KLF12: variants seen among roughly 807,000 people sequenced by gnomAD.
The protein encoded by KLF12 is Krueppel-like factor 12.
KLF12 carries 9 observed loss-of-function variants against 37.8 expected under a neutral mutation model. That is an observed-to-expected ratio of 0.24 (90% CI 0.14 to 0.42). KLF12 has a LOEUF of 0.42. KLF12 is among the 10% of genes least tolerant of loss of function. The probability of loss-of-function intolerance (pLI) is 1.00; values close to 1 mark genes in which losing one functional copy is unlikely to be tolerated. For synonymous variants in KLF12, 208 were observed against 202.1 expected (o/e 1.03, Z -0.25); for missense variants, 411 against 516.0 (o/e 0.80, Z 1.97).
At chr13:74,053,939 AT>A (rs1873088158) in intron 1 of KLF12, among the ~76,000 whole-genome samples, 1 of 152,188 alleles carries the variant, frequency 6.6e-6, no homozygotes, top group East Asian at 1.9e-4. Flanking sequence ...TGTGGGATTA[AT>A]GGGTACAGAA....
At chr13:73,884,215 G>T (rs1385812360) in intron 3 of KLF12, among the ~76,000 whole-genome samples, 1 of 152,164 alleles carries the variant, frequency 6.6e-6, no homozygotes, top group African/African-American at 2.4e-5. Context: ...TGTGTTGTTT[G>T]TCTAAAATGC....
chr13:73,689,271 C>T lies in KLF12; in HGVS notation c.*6219G>A, dbSNP rs1452423242. The T allele has an allele frequency of 6.6e-6, 1 of 152,062 alleles. No individual in the cohort carries two copies. Among genetic ancestry groups the T allele is most frequent in the East Asian group, 1.9e-4 (1 of 5,186 alleles). 9.4% of individuals were successfully genotyped at this position (152,062 alleles called of 1,614,324 possible). ...TCCGTCTCCCTTTTCTTCTTTCTAA[C>T]ATTGGGAGGAGAAAACAGTGGATGT... On this transcript the variant is annotated 3_prime_UTR_variant, in exon 8 of 8. Transcript: ENST00000377669.
intron 7 of KLF12, among the ~76,000 whole-genome samples, chr13:73,703,751 C>T (rs181920548): frequency 2.2e-4 from 34 of 152,288 alleles, no homozygotes; most frequent in Middle Eastern, 6.8e-3. Context: ...CACCCAGTGT[C>T]GTCACCCAGT....
intron 1 of KLF12, among the ~76,000 whole-genome samples, chr13:74,075,181 G>A (rs886749169): frequency 6.6e-6 from 1 of 152,216 alleles, no homozygotes; most frequent in East Asian, 1.9e-4. Context: ...TAAGCACTGA[G>A]GATGTGAAGA....
At chr13:73,864,561 G>A (rs1178917028) in intron 3 of KLF12, among the ~76,000 whole-genome samples, 2 of 152,040 alleles carry the variant, frequency 1.3e-5, no homozygotes, top group African/African-American at 4.8e-5. Context: ...AAGACTGAAG[G>A]AAAGCGTTTA....
At chr13:74,178,015 C>T in the KLF12 span, among the ~76,000 whole-genome samples, 2,542 of 152,310 alleles carry the variant, frequency 0.017, 90 homozygotes, top group African/African-American at 0.057. Flanking sequence ...GTTGCATTTT[C>T]TCACATACAA....
At chr13:74,268,747 G>A in the KLF12 span, among the ~76,000 whole-genome samples, 1 of 152,172 alleles carries the variant, frequency 6.6e-6, no homozygotes, top group Non-Finnish European at 1.5e-5. Context: ...CCTAGAAATT[G>A]TGCTAACTCC....
At chr13:73,921,719 T>G (rs965886707) in intron 3 of KLF12, among the ~76,000 whole-genome samples, 1 of 152,214 alleles carries the variant, frequency 6.6e-6, no homozygotes, top group Non-Finnish European at 1.5e-5. Context: ...AATTCAAGTA[T>G]GTTAAGAAGT....
At chr13:74,144,513 A>G in the KLF12 span, among the ~76,000 whole-genome samples, 1 of 152,170 alleles carries the variant, frequency 6.6e-6, no homozygotes, top group Non-Finnish European at 1.5e-5. Flanking sequence ...TATTTCTTTC[A>G]CATCAATCAC....
rs556003685 is a variant in KLF12, at chr13:73,690,532, G to C, written c.*4958C>G. The C allele has an allele frequency of 6.6e-6, 1 of 152,264 alleles. No homozygotes were observed. Among genetic ancestry groups the C allele is most frequent in the Admixed American group, 6.5e-5 (1 of 15,292 alleles). 9.4% of individuals were successfully genotyped at this position (152,264 alleles called of 1,614,324 possible). ...TTCAGGAAAAGACATTACTAGTTTG[G>C]AATCAGTTGTCTGCAACTTAAAATG... is the stretch of plus-strand genomic sequence containing the variant. On this transcript the variant is annotated 3_prime_UTR_variant, in exon 8 of 8. Coordinates refer to ENST00000377669, the MANE Select transcript of KLF12 (RefSeq NM_007249.5).
chr13:74,210,819 C>T, the KLF12 span, among the ~76,000 whole-genome samples: 16 of 152,192 alleles, frequency 1.1e-4, no homozygotes, highest in South Asian at 4.1e-4. Context: ...ATCCAGTGTT[C>T]TCTTGGGATC....
At chr13:74,180,435 T>C in the KLF12 span, among the ~76,000 whole-genome samples, 1 of 152,222 alleles carries the variant, frequency 6.6e-6, no homozygotes, top group East Asian at 1.9e-4. Flanking sequence ...CTATTTAGCA[T>C]TTGGCTTTCC....
At chr13:74,207,679 A>AAAAAC in the KLF12 span, among the ~76,000 whole-genome samples, 4 of 152,172 alleles carry the variant, frequency 2.6e-5, no homozygotes, top group South Asian at 4.1e-4. Context: ...TCTCAAAAAC[A>AAAAAC]AAAACAAAAC....
chr13:74,151,243 TG>T, the KLF12 span, among the ~76,000 whole-genome samples: 3 of 152,152 alleles, frequency 2.0e-5, no homozygotes, highest in African/African-American at 7.2e-5. Context: ...AAATGTCATT[TG>T]GGGAATATTT....
the KLF12 span, among the ~76,000 whole-genome samples, chr13:74,172,088 A>G: frequency 2.0e-5 from 3 of 151,730 alleles, no homozygotes; most frequent in Non-Finnish European, 4.4e-5. Flanking sequence ...TTCAGCTACA[A>G]GGAGAACTGG....
intron 2 of KLF12, chr13:73,960,372 GC>G (rs1185360236): frequency 3.4e-6 from 1 of 293,544 alleles, no homozygotes; most frequent in Non-Finnish European, 7.8e-6. Context: ...TTTTTCACTT[GC>G]TTTGACATGT....
intron 6 of KLF12, among the ~76,000 whole-genome samples, chr13:73,724,544 A>G (rs1356226039): frequency 2.0e-5 from 3 of 152,192 alleles, no homozygotes; most frequent in African/African-American, 7.2e-5. Context: ...TCATCATAAG[A>G]TGTCCAGGTA....
At chr13:73,971,479 C>G (rs1428999135) in intron 2 of KLF12, among the ~76,000 whole-genome samples, 1 of 152,030 alleles carries the variant, frequency 6.6e-6, no homozygotes, top group African/African-American at 2.4e-5. Flanking sequence ...GGCTATATCA[C>G]TCTTTTCCAG....
intron 3 of KLF12, among the ~76,000 whole-genome samples, chr13:73,919,726 G>A (rs1415766548): frequency 6.6e-6 from 1 of 151,984 alleles, no homozygotes; most frequent in Non-Finnish European, 1.5e-5. Context: ...CCAGAAATCT[G>A]GATATTGTAA....
Sources: allele counts gnomAD v4.1 joint callset (sites outside exome capture counted in the v4.1 genomes callset), GRCh38; gene constraint gnomAD v4.1.1; transcripts MANE v1.5; gene names NCBI Gene and HGNC (gene_info 2026-07-23, HGNC 2026-07-21).